FOXP1: variants seen among roughly 807,000 people sequenced by gnomAD.
FOXP1 encodes the protein forkhead box P1, also known as forkhead box protein P1.
Under a neutral mutation model 98.2 loss-of-function variants are expected in FOXP1, and 15 were observed. That is an observed-to-expected ratio of 0.15 (90% CI 0.10 to 0.24). FOXP1 has a LOEUF of 0.24. FOXP1 is among the 10% of genes least tolerant of loss of function. FOXP1 has a pLI of 1.00. For missense variants in FOXP1, 633 were observed against 848.5 expected (o/e 0.75, Z 3.15); for synonymous variants, 371 against 314.5 (o/e 1.18, Z -1.90).
chr3:71,533,480 T>C (rs756916119), intron 2 of FOXP1, among the ~76,000 whole-genome samples: 5 of 152,238 alleles, frequency 3.3e-5, no homozygotes, highest in Non-Finnish European at 5.9e-5. Context: ...ATACAAAATA[T>C]GTGTTAATTG....
Position 71,198,267 on chromosome 3 carries a change from C to T in FOXP1, c.115G>A (p.Gly39Arg), listed in dbSNP as rs752297898. The T allele has an allele frequency of 5.0e-6, 8 of 1,614,068 alleles. No homozygotes were observed. Among genetic ancestry groups the T allele is most frequent in the South Asian group, 1.1e-5 (1 of 91,088 alleles). The change falls in exon 6 of 21, where the codon GGA becomes AGA. Residue 39 changes from glycine to arginine, a missense_variant. By Grantham distance (125) the Gly-to-Arg change is moderately radical. Transcript: ENST00000649528. ...CGGLREGRSN[G>R]ETPAVDIGAA... ...CCGATGTCCACGGCCGGCGTCTCTC[C>T]GTTGGACCGCCCCTCCCGAAGACCG...
chr3:71,193,472 A>C (rs1175119371), intron 6 of FOXP1, among the ~76,000 whole-genome samples: 1 of 72,828 alleles, frequency 1.4e-5, no homozygotes, highest in South Asian at 3.8e-4. Context: ...TTTTTTAGAC[A>C]TATTCTCACT....
chr3:71,126,871 CAAAAAAAAA>C (rs1230464030), intron 6 of FOXP1, among the ~76,000 whole-genome samples: 3 of 77,164 alleles, frequency 3.9e-5, no homozygotes, highest in African/African-American at 1.4e-4. Flanking sequence ...AAAAAACAAA[CAAAAAAAAA>C]AAACAAAAAC....
At chr3:71,032,812 A>G (rs2047051107) in intron 11 of FOXP1, among the ~76,000 whole-genome samples, 1 of 152,156 alleles carries the variant, frequency 6.6e-6, no homozygotes, top group Non-Finnish European at 1.5e-5. Flanking sequence ...TTGGCTTAAG[A>G]GCATAAGACT....
chr3:71,446,010 C>T (rs2086381887), intron 3 of FOXP1, among the ~76,000 whole-genome samples: 1 of 151,864 alleles, frequency 6.6e-6, no homozygotes, highest in Non-Finnish European at 1.5e-5. Flanking sequence ...TTAACACATA[C>T]AAGTATCTAT....
At chr3:71,056,241 A>G (rs543684589) in intron 7 of FOXP1, among the ~76,000 whole-genome samples, 131 of 152,344 alleles carry the variant, frequency 8.6e-4, no homozygotes, top group Middle Eastern at 3.4e-3. Flanking sequence ...TAACTCAGGT[A>G]AAACTAGAAG....
chr3:71,401,255 C>T (rs1221807725), intron 3 of FOXP1, among the ~76,000 whole-genome samples: 1 of 152,100 alleles, frequency 6.6e-6, no homozygotes, highest in East Asian at 1.9e-4. Context: ...GAAAATAAAC[C>T]AAGATAGAAA....
At chr3:71,479,570 T>A (rs1204028675) in intron 3 of FOXP1, among the ~76,000 whole-genome samples, 1 of 150,890 alleles carries the variant, frequency 6.6e-6, no homozygotes, top group African/African-American at 2.4e-5. Context: ...TCCCAGCTAC[T>A]CAGGAGGCTG....
chr3:71,316,459 C>T (rs2075079065), intron 4 of FOXP1, among the ~76,000 whole-genome samples: 2 of 152,090 alleles, frequency 1.3e-5, no homozygotes, highest in Non-Finnish European at 2.9e-5. Context: ...GCAAGGACCA[C>T]CAGGGCCAGC....
chr3:71,361,078 T>C (rs1047252086), intron 3 of FOXP1, among the ~76,000 whole-genome samples: 1 of 152,226 alleles, frequency 6.6e-6, no homozygotes, highest in Non-Finnish European at 1.5e-5. Context: ...TAATGTGCTG[T>C]GTGGGCATTT....
chr3:71,355,031 T>C (rs1377057159), intron 4 of FOXP1, among the ~76,000 whole-genome samples: 1 of 152,210 alleles, frequency 6.6e-6, no homozygotes, highest in African/African-American at 2.4e-5. Flanking sequence ...GGGAAGATAA[T>C]GTATAACCCC....
chr3:71,011,587 G>A (rs2043640927), intron 12 of FOXP1, among the ~76,000 whole-genome samples: 2 of 152,036 alleles, frequency 1.3e-5, no homozygotes. Flanking sequence ...CTAGCAATAG[G>A]GGCCAATTAT....
At chr3:71,396,992 A>ATATG (rs1560424743) in intron 3 of FOXP1, among the ~76,000 whole-genome samples, 12 of 78,936 alleles carry the variant, frequency 1.5e-4, no homozygotes, top group African/African-American at 7.0e-4. Flanking sequence ...GTGTATATAT[A>ATATG]TACACATATA....
At chr3:70,988,100 T>C in intron 13 of FOXP1, 23 bp from the exon 14 acceptor site, 1 of 1,609,904 alleles carries the variant, frequency 6.2e-7, no homozygotes, top group Non-Finnish European at 8.5e-7. Flanking sequence ...AAATGCTTTG[T>C]TATTTCTCTG....
intron 7 of FOXP1, among the ~76,000 whole-genome samples, chr3:71,060,698 G>A (rs2107258727): frequency 6.6e-6 from 1 of 152,210 alleles, no homozygotes; most frequent in East Asian, 1.9e-4. Flanking sequence ...AAAATAACAA[G>A]CCCTTGAGAA....
intron 3 of FOXP1, among the ~76,000 whole-genome samples, chr3:71,444,711 G>C (rs984573660): frequency 2.0e-5 from 3 of 152,136 alleles, no homozygotes; most frequent in African/African-American, 7.2e-5. Flanking sequence ...ATTATTACGG[G>C]CCAGCCCACA....
intron 5 of FOXP1, among the ~76,000 whole-genome samples, chr3:71,269,059 C>G (rs1242276264): frequency 6.6e-6 from 1 of 151,574 alleles, no homozygotes; most frequent in Non-Finnish European, 1.5e-5. Flanking sequence ...CATGCAGGCC[C>G]TTCCTGGACT....
chr3:71,444,851 C>T (rs2086267752), intron 3 of FOXP1, among the ~76,000 whole-genome samples: 1 of 152,116 alleles, frequency 6.6e-6, no homozygotes, highest in African/African-American at 2.4e-5. Context: ...CATGCCTCTG[C>T]TGTGACTTAA....
intron 5 of FOXP1, among the ~76,000 whole-genome samples, chr3:71,290,533 A>G (rs1431433038): frequency 1.3e-5 from 2 of 152,092 alleles, no homozygotes; most frequent in African/African-American, 4.8e-5. Flanking sequence ...TCATCCACCC[A>G]AAGTCTATTT....
Sources: gnomAD v4.1 joint callset for allele counts (sites outside exome capture counted in the v4.1 genomes callset) on GRCh38, gnomAD v4.1.1 for gene constraint, MANE v1.5 for transcripts, NCBI Gene and HGNC (gene_info 2026-07-23, HGNC 2026-07-21) for gene names.